The following XIRP2 variants were observed in gnomAD, a reference collection of about 807,000 sequenced individuals.
XIRP2 encodes xin actin binding repeat containing 2, also known as xin actin-binding repeat-containing protein 2.
A neutral mutation model predicts 277.0 loss-of-function variants in XIRP2; 236 were observed. The observed-to-expected ratio is 0.85, with a 90% CI of 0.77 to 0.95. XIRP2 has a LOEUF of 0.95. Ranked by LOEUF, XIRP2 falls within the 40% of genes least tolerant of loss-of-function variation. The pLI, the probability that XIRP2 is intolerant of heterozygous loss-of-function variation, is 0.00. For missense variants in XIRP2, 4,640 were observed against 4,157.5 expected, an observed-to-expected ratio of 1.12 and a Z score of -3.19; for synonymous variants, 1,490 against 1,416.5, an observed-to-expected ratio of 1.05 and a Z score of -1.17.
chr2:167,155,589 A>G (rs934608458), intron 3 of XIRP2, among the ~76,000 whole-genome samples: 15 of 152,180 alleles, frequency 9.9e-5, no homozygotes, highest in Admixed American at 3.9e-4. Flanking sequence ...TATTGATGGG[A>G]CGTATCTCAA....
chr2:167,256,240 A>T (rs955111460), intron 10 of XIRP2, among the ~76,000 whole-genome samples: 1 of 151,564 alleles, frequency 6.6e-6, no homozygotes. Context: ...AATTCCTATT[A>T]TCTATACCTT....
chr2:167,188,895 T>G (rs776660391), intron 3 of XIRP2, among the ~76,000 whole-genome samples: 5 of 152,194 alleles, frequency 3.3e-5, no homozygotes, highest in African/African-American at 9.7e-5. Flanking sequence ...TGAGACATTC[T>G]TTAATGATCT....
At chr2:166,972,369 A>G (rs1255032561) in intron 2 of XIRP2, among the ~76,000 whole-genome samples, 1 of 152,174 alleles carries the variant, frequency 6.6e-6, no homozygotes, top group African/African-American at 2.4e-5. Context: ...GAATATCTTC[A>G]TAAGTGTATG....
rs116368346 is a variant in XIRP2 at position 166,972,578 on chromosome 2, C to G, written c.408+68688C>G. On this transcript the variant is annotated intron_variant, in intron 2 of 10. Transcript: ENST00000409195. Reference sequence around the variant, plus strand: ...TAGCTACTAAAGCACAGTTCATATTCTGCAAACTCCAGCCATAAAGTTTTA... The same window carrying G: ...TAGCTACTAAAGCACAGTTCATATTGTGCAAACTCCAGCCATAAAGTTTTA... Among the ~76,000 whole-genome samples, 901 of 152,254 alleles carry G rather than the reference C, an allele frequency of 5.9e-3. 12 individuals carry two copies. Among genetic ancestry groups the G allele is most frequent in the African/African-American group, 0.02 (844 of 41,544 alleles).
chr2:166,907,421 A>G (rs1000461348), intron 2 of XIRP2, among the ~76,000 whole-genome samples: 1 of 152,234 alleles, frequency 6.6e-6, no homozygotes, highest in African/African-American at 2.4e-5. Context: ...TAGTGGCTTT[A>G]CAATTGTTTA....
In XIRP2 at chr2:167,246,579, A is replaced by T; in HGVS notation, c.5187A>T (p.Ile1729=). 1 of 1,613,856 alleles carries T rather than the reference A, an allele frequency of 6.2e-7. No individual in the cohort carries two copies. The highest frequency in any genetic ancestry group is 8.5e-7 in the Non-Finnish European group (1 of 1,179,852). The change falls in exon 9 of 11, where the codon ATA becomes ATT. Residue 1729 remains isoleucine (I), a synonymous_variant. Coordinates refer to ENST00000409195, the MANE Select transcript of XIRP2 (RefSeq NM_152381.6). ...NLLSSTSNNK[I]SERAKIDASE... ...TGTCTTCCACATCAAACAATAAAATATCTGAAAGGGCTAAAATTGATGCCT... is the reference window on the plus strand; with the variant it reads ...TGTCTTCCACATCAAACAATAAAATTTCTGAAAGGGCTAAAATTGATGCCT...
At chr2:167,219,051 A>AT (rs143896165) in intron 5 of XIRP2, among the ~76,000 whole-genome samples, 9 of 151,096 alleles carry the variant, frequency 6.0e-5, no homozygotes, top group African/African-American at 1.7e-4. Flanking sequence ...AAGTGGATGT[A>AT]TTTTTTTTTA....
intron 2 of XIRP2, among the ~76,000 whole-genome samples, chr2:167,126,232 T>G (rs1291456518): frequency 6.6e-6 from 1 of 152,090 alleles, no homozygotes; most frequent in African/African-American, 2.4e-5. Context: ...GCCACCTTGT[T>G]TTTTGAGGCC....
intron 2 of XIRP2, among the ~76,000 whole-genome samples, chr2:167,021,846 A>G (rs1357754005): frequency 6.6e-6 from 1 of 152,040 alleles, no homozygotes; most frequent in Non-Finnish European, 1.5e-5. Flanking sequence ...TTTTTTAAAA[A>G]TTGCCGTTAT....
intron 2 of XIRP2, among the ~76,000 whole-genome samples, chr2:167,080,068 A>T (rs1418012681): frequency 6.6e-6 from 1 of 152,140 alleles, no homozygotes; most frequent in African/African-American, 2.4e-5. Context: ...TCCAAAAAAA[A>T]GAGGCCAGTT....
intron 2 of XIRP2, among the ~76,000 whole-genome samples, chr2:167,067,191 A>G (rs925600494): frequency 2.6e-5 from 4 of 152,090 alleles, no homozygotes; most frequent in African/African-American, 9.7e-5. Context: ...AATTGACAGT[A>G]CCCAGTTACT....
chr2:167,020,351 C>G (rs1687947023), intron 2 of XIRP2, among the ~76,000 whole-genome samples: 1 of 151,792 alleles, frequency 6.6e-6, no homozygotes, highest in Non-Finnish European at 1.5e-5. Flanking sequence ...CAAATAATGA[C>G]TAATTAGCAG....
At chr2:167,189,515 G>A (rs779900415) in intron 3 of XIRP2, among the ~76,000 whole-genome samples, 1 of 152,112 alleles carries the variant, frequency 6.6e-6, no homozygotes, top group Non-Finnish European at 1.5e-5. Context: ...GTTACACTTT[G>A]AAATTTAATT....
At chr2:167,111,790 A>C (rs1690763453) in intron 2 of XIRP2, among the ~76,000 whole-genome samples, 1 of 152,100 alleles carries the variant, frequency 6.6e-6, no homozygotes, top group African/African-American at 2.4e-5. Flanking sequence ...GTATAAATTC[A>C]TCTGGTCCTG....
chr2:166,975,479 C>T (rs937717342), intron 2 of XIRP2, among the ~76,000 whole-genome samples: 1 of 151,934 alleles, frequency 6.6e-6, no homozygotes, highest in Non-Finnish European at 1.5e-5. Flanking sequence ...TAGAGCGAGA[C>T]TCCTTCAAAA....
chr2:167,249,617 C>A lies in XIRP2; in HGVS notation c.8225C>A (p.Thr2742Asn), dbSNP rs1449979016. ...HKQQSEIDVQTFTKKQYLKTK... is the reference protein window; with the variant it reads ...HKQQSEIDVQNFTKKQYLKTK... ...CAGCAATCTGAGATTGATGTTCAAACCTTTACCAAAAAACAATATCTGAAA... is the reference window on the plus strand; with the variant it reads ...CAGCAATCTGAGATTGATGTTCAAAACTTTACCAAAAAACAATATCTGAAA... Residue 2742 changes from threonine (T) to asparagine (N), a missense_variant, in exon 9 of 11, where the codon ACC becomes AAC. Physicochemically the swap from Thr to Asn is moderately conservative, Grantham distance 65. Coordinates refer to ENST00000409195, the MANE Select transcript of XIRP2 (RefSeq NM_152381.6). The A allele has an allele frequency of 6.2e-7, 1 of 1,613,550 alleles. No homozygotes were observed. Among genetic ancestry groups the A allele is most frequent in the South Asian group, 1.1e-5 (1 of 91,080 alleles).
At chr2:167,025,666 AT>A (rs1418359656) in intron 2 of XIRP2, among the ~76,000 whole-genome samples, 2 of 151,812 alleles carry the variant, frequency 1.3e-5, no homozygotes, top group African/African-American at 4.8e-5. Flanking sequence ...CTTTGTTCTC[AT>A]TGGTTTCAAA....
At chr2:167,153,397 T>A (rs970720878) in intron 3 of XIRP2, among the ~76,000 whole-genome samples, 3 of 151,984 alleles carry the variant, frequency 2.0e-5, no homozygotes, top group African/African-American at 7.2e-5. Flanking sequence ...CTCAAAATTT[T>A]TTTTATTTTT....
At chr2:167,088,495 G>A (rs1421698018) in intron 2 of XIRP2, among the ~76,000 whole-genome samples, 4 of 152,078 alleles carry the variant, frequency 2.6e-5, no homozygotes, top group Non-Finnish European at 1.5e-5. Flanking sequence ...CCACATTACA[G>A]CCAGGATGAT....
Sources: gnomAD v4.1 joint callset for allele counts (sites outside exome capture counted in the v4.1 genomes callset) on GRCh38, gnomAD v4.1.1 for gene constraint, MANE v1.5 for transcripts, NCBI Gene and HGNC (gene_info 2026-07-23, HGNC 2026-07-21) for gene names.